The following IRAK1BP1 variants were observed in gnomAD, a reference collection of about 807,000 sequenced individuals.
The protein encoded by IRAK1BP1 is interleukin-1 receptor-associated kinase 1-binding protein 1.
In IRAK1BP1, 24 loss-of-function variants were observed where a neutral mutation model predicts 28.0. The observed-to-expected ratio is 0.86, with a 90% CI of 0.62 to 1.20. The LOEUF is 1.20. Ranked by LOEUF, IRAK1BP1 falls within the 50% of genes most tolerant of loss-of-function variation. The probability of loss-of-function intolerance (pLI) is 0.00; values close to 1 mark genes in which losing one functional copy is unlikely to be tolerated. For synonymous variants in IRAK1BP1, 131 were observed against 116.3 expected, an observed-to-expected ratio of 1.13 and a Z score of -0.81; for missense variants, 336 against 316.7, an observed-to-expected ratio of 1.06 and a Z score of -0.46.
intron 4 of IRAK1BP1, among the ~76,000 whole-genome samples, chr6:78,919,780 T>C (rs1052563123): frequency 3.9e-5 from 6 of 152,202 alleles, no homozygotes; most frequent in Admixed American, 3.9e-4. Flanking sequence ...CCAATTCTAC[T>C]GAAACTATTC....
chr6:78,893,192 C>G (rs1029127631), intron 2 of IRAK1BP1, among the ~76,000 whole-genome samples: 2 of 150,640 alleles, frequency 1.3e-5, no homozygotes, highest in African/African-American at 4.9e-5. Flanking sequence ...TACAAAGGAA[C>G]AAAGGTAAGA....
At chr6:78,909,649 C>G (rs973882409) in intron 4 of IRAK1BP1, among the ~76,000 whole-genome samples, 1 of 152,160 alleles carries the variant, frequency 6.6e-6, no homozygotes, top group African/African-American at 2.4e-5. Flanking sequence ...GCTCCAGCAA[C>G]AATAAAAAGT....
intron 4 of IRAK1BP1, among the ~76,000 whole-genome samples, chr6:78,916,755 C>G (rs1448093946): frequency 6.6e-6 from 1 of 151,980 alleles, no homozygotes; most frequent in Non-Finnish European, 1.5e-5. Flanking sequence ...CCAGGCAGAT[C>G]TCCAGACATC....
At chr6:78,933,800 C>T (rs190619060) in intron 4 of IRAK1BP1, among the ~76,000 whole-genome samples, 268 of 152,040 alleles carry the variant, frequency 1.8e-3, no homozygotes, top group African/African-American at 6.2e-3. Flanking sequence ...CTATCCAGAC[C>T]ACTGCACCTT....
At chr6:78,974,628 G>T in the IRAK1BP1 span, among the ~76,000 whole-genome samples, 1 of 152,076 alleles carries the variant, frequency 6.6e-6, no homozygotes, top group Non-Finnish European at 1.5e-5. Context: ...TAGACCGCCA[G>T]CAAGACTAAT....
At chr6:78,940,976 T>A in intron 4 of IRAK1BP1, 3 of 1,613,888 alleles carry the variant, frequency 1.9e-6, no homozygotes, top group South Asian at 2.2e-5. Flanking sequence ...GACTAGGAGA[T>A]CTGCATCTAA....
At chr6:78,940,660 T>TAA in intron 4 of IRAK1BP1, 1 of 1,472,638 alleles carries the variant, frequency 6.8e-7, no homozygotes, top group Middle Eastern at 1.9e-4. Context: ...GTACCTGCTT[T>TAA]ATAGATTTTG....
At position 78,897,939 on chromosome 6, in the gene IRAK1BP1, AGGTTCTGTTGAGAATCTTCG is replaced by A. The variant is rs1278452422; in HGVS notation, c.494_512+1del. On this transcript the variant is annotated frameshift_variant and splice_region_variant, in exon 3 of 4. Transcript: ENST00000369940. LOFTEE classifies it high-confidence loss of function. ...GCCCACCCCAGTTCTATCATACTCC[AGGTTCTGTTGAGAATCTTCG>A]GTAAGTTTAAGCACATCTTTAACTA... is the stretch of plus-strand genomic sequence containing the variant. The A allele has an allele frequency of 1.2e-6, 2 of 1,613,930 alleles. No individual in the cohort carries two copies. The highest frequency in any genetic ancestry group is 1.7e-6 in the Non-Finnish European group (2 of 1,179,974).
the IRAK1BP1 span, among the ~76,000 whole-genome samples, chr6:78,967,686 A>T: frequency 6.6e-6 from 1 of 152,196 alleles, no homozygotes; most frequent in African/African-American, 2.4e-5. Context: ...TCCAAATGAG[A>T]AAATTATGAT....
intron 1 of IRAK1BP1, among the ~76,000 whole-genome samples, chr6:78,872,712 G>A (rs1770833857): frequency 6.6e-6 from 1 of 152,016 alleles, no homozygotes; most frequent in Non-Finnish European, 1.5e-5. Context: ...TTAATTCCTG[G>A]ATTATGTATA....
intron 1 of IRAK1BP1, among the ~76,000 whole-genome samples, chr6:78,878,325 GT>G (rs2127641157): frequency 6.6e-6 from 1 of 152,310 alleles, no homozygotes; most frequent in African/African-American, 2.4e-5. Context: ...AGGCAGCAAC[GT>G]TTGCTGTTCT....
chr6:78,967,564 T>TA, the IRAK1BP1 span, among the ~76,000 whole-genome samples: 1 of 152,246 alleles, frequency 6.6e-6, no homozygotes, highest in South Asian at 2.1e-4. Context: ...ATTACTAATG[T>TA]AATTTTAAAT....
chr6:78,881,759 T>C (rs1358146947), intron 1 of IRAK1BP1, among the ~76,000 whole-genome samples: 1 of 152,136 alleles, frequency 6.6e-6, no homozygotes, highest in Non-Finnish European at 1.5e-5. Flanking sequence ...AAGGGGTATT[T>C]GTTAATAAGT....
chr6:78,871,613 T>C (rs1490475396), intron 1 of IRAK1BP1: 14 of 846,564 alleles, frequency 1.7e-5, no homozygotes, highest in Non-Finnish European at 2.0e-5. Context: ...CCAAGTATGA[T>C]GGTATTCGGA....
intron 4 of IRAK1BP1, chr6:78,937,944 A>G (rs1236366112): frequency 1.3e-5 from 2 of 151,624 alleles, no homozygotes; most frequent in Admixed American, 1.3e-4. Flanking sequence ...ATATTTCTGA[A>G]CTTTCAGTAA....
chr6:78,957,280 C>T, the IRAK1BP1 span: 1 of 151,872 alleles, frequency 6.6e-6, no homozygotes, highest in Non-Finnish European at 1.5e-5. Flanking sequence ...AAAACAGATA[C>T]ACATACACAT....
At chr6:78,952,442 A>AAAAAAAAAAAGG in the IRAK1BP1 span, among the ~76,000 whole-genome samples, 3 of 141,148 alleles carry the variant, frequency 2.1e-5, no homozygotes, top group African/African-American at 8.3e-5. Flanking sequence ...AAAAAAAAAG[A>AAAAAAAAAAAGG]AAAAAAAAAA....
the IRAK1BP1 span, among the ~76,000 whole-genome samples, chr6:78,978,193 C>G: frequency 5.9e-5 from 9 of 152,054 alleles, no homozygotes; most frequent in South Asian, 1.5e-3. Flanking sequence ...TGTGGGTAAA[C>G]AAAACACTAA....
the IRAK1BP1 span, among the ~76,000 whole-genome samples, chr6:78,964,712 C>A: frequency 6.6e-6 from 1 of 152,078 alleles, no homozygotes; most frequent in Admixed American, 6.6e-5. Flanking sequence ...AGGCTGCTCT[C>A]CAACACCTGA....
Sources: allele counts gnomAD v4.1 joint callset (sites outside exome capture counted in the v4.1 genomes callset), GRCh38; gene constraint gnomAD v4.1.1; transcripts MANE v1.5; gene names NCBI Gene and HGNC (gene_info 2026-07-23, HGNC 2026-07-21).